The following CRADD variants were observed in gnomAD, a reference collection of about 807,000 sequenced individuals.
CRADD encodes the protein CARD and death domain containing adaptor protein.
A neutral mutation model predicts 15.5 loss-of-function variants in CRADD; 9 were observed. The observed-to-expected ratio is 0.58, with a 90% CI of 0.35 to 1.01. The LOEUF is 1.01. Among genes scored for constraint, CRADD ranks in the 50% least tolerant of loss-of-function variants. The pLI is 0.02. For missense variants in CRADD, 227 were observed against 250.3 expected (o/e 0.91, Z 0.63); for synonymous variants, 118 against 107.6 (o/e 1.10, Z -0.60).
chr12:93,824,686 A>G lies in CRADD; in HGVS notation c.299-25284A>G, dbSNP rs1017777717. On this transcript the variant is annotated intron_variant, in intron 2 of 2. Coordinates refer to ENST00000332896, the MANE Select transcript of CRADD (RefSeq NM_003805.5). The surrounding 1 kb of genome is among the most constrained non-coding windows in gnomAD (Gnocchi z 4.3). ...GAAACCTAGCCTTCTGCCGAGTGGT[A>G]TTCCTGAAGCCAGTCACTCTTAGAA... 2.0e-5 allele frequency among the ~76,000 whole-genome samples: 3 copies of G among 152,204 alleles called. No individual in the cohort carries two copies. Among genetic ancestry groups the G allele is most frequent in the Non-Finnish European group, 4.4e-5 (3 of 68,036 alleles).
chr12:93,875,118 T>C (rs1958449183), intron 2 of CRADD, among the ~76,000 whole-genome samples: 1 of 152,152 alleles, frequency 6.6e-6, no homozygotes, highest in African/African-American at 2.4e-5. Flanking sequence ...TCCATATATA[T>C]TTAAAATTGT....
At chr12:93,727,828 T>C (rs1442213544) in intron 2 of CRADD, among the ~76,000 whole-genome samples, 1 of 151,988 alleles carries the variant, frequency 6.6e-6, no homozygotes, top group African/African-American at 2.4e-5. Flanking sequence ...TTCTTAAGTC[T>C]GAAGGACTTA....
chr12:93,795,665 T>G (rs1957406704), intron 2 of CRADD, among the ~76,000 whole-genome samples: 1 of 152,224 alleles, frequency 6.6e-6, no homozygotes, highest in African/African-American at 2.4e-5. Flanking sequence ...TATTTTTAGT[T>G]GTCAAATTGC....
At chr12:93,679,980 G>A (rs1443121281) in intron 2 of CRADD, among the ~76,000 whole-genome samples, 9 of 152,182 alleles carry the variant, frequency 5.9e-5, no homozygotes, top group Non-Finnish European at 1.3e-4. Flanking sequence ...AGACACTGGA[G>A]TATTTAATTT....
At chr12:93,842,423 C>T (rs978255082) in intron 2 of CRADD, among the ~76,000 whole-genome samples, 5 of 152,018 alleles carry the variant, frequency 3.3e-5, no homozygotes, top group South Asian at 2.1e-4. Context: ...GATGGTGAGT[C>T]GGGAACTTGA....
intron 2 of CRADD, among the ~76,000 whole-genome samples, chr12:93,743,915 T>C (rs1223381600): frequency 1.3e-5 from 2 of 152,318 alleles, no homozygotes; most frequent in African/African-American, 4.8e-5. Flanking sequence ...TAGTTTTGTT[T>C]TCTATTTTAT....
chr12:93,749,772 T>C (rs1956809796), intron 2 of CRADD, among the ~76,000 whole-genome samples: 1 of 152,206 alleles, frequency 6.6e-6, no homozygotes, highest in South Asian at 2.1e-4. Flanking sequence ...ACTGGCATGC[T>C]TTCTCTTTTA....
chr12:93,742,480 G>T (rs1288781783), intron 2 of CRADD, among the ~76,000 whole-genome samples: 3 of 146,802 alleles, frequency 2.0e-5, no homozygotes, highest in Non-Finnish European at 3.0e-5. Flanking sequence ...AGCCCAGCGC[G>T]GGGAGGCGGC....
chr12:93,704,256 C>T (rs1490090412), intron 2 of CRADD, among the ~76,000 whole-genome samples: 1 of 152,180 alleles, frequency 6.6e-6, no homozygotes, highest in Non-Finnish European at 1.5e-5. Context: ...TCCAGCTCTT[C>T]AACTAGGCAG....
intron 2 of CRADD, among the ~76,000 whole-genome samples, chr12:93,808,425 A>G (rs1407834005): frequency 3.9e-5 from 6 of 152,144 alleles, no homozygotes; most frequent in African/African-American, 1.4e-4. Context: ...TGAGAACAGT[A>G]TGGGGGAAAC....
intron 2 of CRADD, among the ~76,000 whole-genome samples, chr12:93,698,560 T>C (rs1955767515): frequency 1.3e-5 from 2 of 152,194 alleles, no homozygotes; most frequent in Non-Finnish European, 2.9e-5. Context: ...AAGTATTTTG[T>C]TTGTCTTTCT....
chr12:93,700,035 T>G (rs1955805897), intron 2 of CRADD, among the ~76,000 whole-genome samples: 1 of 152,190 alleles, frequency 6.6e-6, no homozygotes, highest in African/African-American at 2.4e-5. Context: ...CTGGGTTTTA[T>G]GGAAGGTAGA....
intron 2 of CRADD, among the ~76,000 whole-genome samples, chr12:93,779,125 A>G (rs1957171920): frequency 6.6e-6 from 1 of 152,222 alleles, no homozygotes; most frequent in Non-Finnish European, 1.5e-5. Flanking sequence ...GCCACAGCCA[A>G]GATGTAGTCA....
chr12:93,776,066 T>C (rs1471155103), intron 2 of CRADD, among the ~76,000 whole-genome samples: 1 of 152,172 alleles, frequency 6.6e-6, no homozygotes, highest in Non-Finnish European at 1.5e-5. Flanking sequence ...GCACACACAA[T>C]ATATCCTCTT....
intron 2 of CRADD, among the ~76,000 whole-genome samples, chr12:93,739,258 T>G (rs1227023763): frequency 1.3e-5 from 2 of 152,144 alleles, no homozygotes; most frequent in Non-Finnish European, 2.9e-5. Flanking sequence ...TAGTGTAGCC[T>G]CTTTTCCTTT....
intron 2 of CRADD, among the ~76,000 whole-genome samples, chr12:93,868,345 C>T (rs1958388378): frequency 6.6e-6 from 1 of 152,152 alleles, no homozygotes; most frequent in African/African-American, 2.4e-5. Flanking sequence ...TCAAAAGAAA[C>T]TAATTTAGTA....
intron 2 of CRADD, chr12:93,837,394 G>C (rs1200815854): frequency 1.3e-5 from 2 of 151,794 alleles, no homozygotes; most frequent in Non-Finnish European, 2.9e-5. Context: ...CAACCTCACG[G>C]GTAGCTGGGA....
intron 2 of CRADD, among the ~76,000 whole-genome samples, chr12:93,844,889 AG>A (rs1958095087): frequency 6.6e-6 from 1 of 152,210 alleles, no homozygotes. Flanking sequence ...GGAAGGCGAG[AG>A]GACCAGTTCC....
At chr12:93,706,325 G>A (rs1955950515) in intron 2 of CRADD, among the ~76,000 whole-genome samples, 1 of 152,202 alleles carries the variant, frequency 6.6e-6, no homozygotes, top group Non-Finnish European at 1.5e-5. Context: ...AATGGTGAGT[G>A]TGAATTCATA....
Sources: allele counts gnomAD v4.1 joint callset (sites outside exome capture counted in the v4.1 genomes callset), GRCh38; gene constraint gnomAD v4.1.1; non-coding constraint Gnocchi (gnomAD v3.1); transcripts MANE v1.5; gene names NCBI Gene and HGNC (gene_info 2026-07-23, HGNC 2026-07-21).